Variants in EPHA5 observed in about 807,000 individuals in gnomAD.
EPHA5 encodes EPH receptor A5.
Under a neutral mutation model 105.0 loss-of-function variants are expected in EPHA5, and 60 were observed. That is an observed-to-expected ratio of 0.57 (90% confidence interval 0.46 to 0.71). The LOEUF is 0.71. Among genes scored for constraint, EPHA5 ranks in the 30% least tolerant of loss-of-function variants. EPHA5 has a pLI of 0.00. For missense variants in EPHA5, 1,218 were observed against 1,274.7 expected (o/e 0.96, Z 0.68); for synonymous variants, 513 against 449.1 (o/e 1.14, Z -1.80).
chr4:65,493,850 G>T (rs886609484), intron 4 of EPHA5, among the ~76,000 whole-genome samples: 1 of 151,560 alleles, frequency 6.6e-6, no homozygotes, highest in African/African-American at 2.4e-5. Flanking sequence ...GAAAGATAAT[G>T]GGTAGACCAC....
At chr4:65,596,260 TC>T (rs1743172869) in intron 3 of EPHA5, among the ~76,000 whole-genome samples, 2 of 152,068 alleles carry the variant, frequency 1.3e-5, no homozygotes, top group African/African-American at 4.8e-5. Context: ...GGAGTGATTT[TC>T]CCCCAGTGAA....
intron 4 of EPHA5, among the ~76,000 whole-genome samples, chr4:65,493,062 T>G (rs1731574597): frequency 6.6e-6 from 1 of 151,844 alleles, no homozygotes; most frequent in Non-Finnish European, 1.5e-5. Flanking sequence ...TAAGAATGCA[T>G]CAGCAGCTGA....
intron 2 of EPHA5, among the ~76,000 whole-genome samples, chr4:65,603,821 C>G (rs1005712225): frequency 2.0e-5 from 3 of 152,046 alleles, no homozygotes; most frequent in African/African-American, 7.2e-5. Flanking sequence ...CTCTACTTAG[C>G]TCCCTATTTT....
intron 3 of EPHA5, among the ~76,000 whole-genome samples, chr4:65,571,755 A>G (rs917726372): frequency 7.9e-5 from 12 of 151,892 alleles, no homozygotes; most frequent in African/African-American, 2.9e-4. Flanking sequence ...TTTTATTTAG[A>G]CTTCTGTTTT....
At chr4:65,576,093 G>GAAAAGAAAAGAAAAGAA (rs1740983063) in intron 3 of EPHA5, among the ~76,000 whole-genome samples, 1 of 76,976 alleles carries the variant, frequency 1.3e-5, no homozygotes, top group South Asian at 4.8e-4. Flanking sequence ...GAAAAGAAAA[G>GAAAAGAAAAGAAAAGAA]AAAAGAAAAG....
chr4:65,554,678 T>C (rs1348053991), intron 3 of EPHA5, among the ~76,000 whole-genome samples: 1 of 151,924 alleles, frequency 6.6e-6, no homozygotes, highest in Non-Finnish European at 1.5e-5. Context: ...GGCCAATGAA[T>C]GTCTCCATCA....
At chr4:65,421,706 T>A (rs1367604351) in intron 5 of EPHA5, among the ~76,000 whole-genome samples, 1 of 152,156 alleles carries the variant, frequency 6.6e-6, no homozygotes, top group Non-Finnish European at 1.5e-5. Context: ...TTGCTATTCA[T>A]AAATTATATT....
intron 7 of EPHA5, among the ~76,000 whole-genome samples, chr4:65,413,479 T>A (rs1286260315): frequency 6.6e-6 from 1 of 152,074 alleles, no homozygotes; most frequent in African/African-American, 2.4e-5. Context: ...AATTCATAAC[T>A]GAATTATCAT....
At chr4:65,634,733 C>T (rs1746962174) in intron 2 of EPHA5, among the ~76,000 whole-genome samples, 1 of 151,752 alleles carries the variant, frequency 6.6e-6, no homozygotes, top group Non-Finnish European at 1.5e-5. Context: ...TTTCTATATC[C>T]ACTAATGTGC....
At chr4:65,584,646 A>T (rs1243178376) in intron 3 of EPHA5, among the ~76,000 whole-genome samples, 6 of 151,976 alleles carry the variant, frequency 3.9e-5, no homozygotes, top group Non-Finnish European at 8.8e-5. Context: ...ATTTTAAATG[A>T]CAATGTTACT....
chr4:65,585,543 T>C (rs1408663342), intron 3 of EPHA5, among the ~76,000 whole-genome samples: 1 of 151,854 alleles, frequency 6.6e-6, no homozygotes, highest in African/African-American at 2.4e-5. Flanking sequence ...GTTAACTTTA[T>C]TAGTAGAAAA....
chr4:65,490,678 A>G lies in EPHA5; in HGVS notation c.1101T>C (p.Asn367=), dbSNP rs2149214419. 6.2e-7 allele frequency: 1 copy of G among 1,614,020 alleles called. No individual in the cohort carries two copies. Among genetic ancestry groups the G allele is most frequent in the Non-Finnish European group, 8.5e-7 (1 of 1,179,906 alleles). ...PPSAPRNAIS[N]VNETSVFLEW... Reference sequence around the variant, plus strand: ...CCAGAAAGACACTAGTTTCATTAACATTTGAGATGGCATTCCGAGGAGCAG... The same window carrying G: ...CCAGAAAGACACTAGTTTCATTAACGTTTGAGATGGCATTCCGAGGAGCAG... The change falls in exon 5 of 17, where the codon AAT becomes AAC. Residue 367 remains asparagine, a synonymous_variant. Coordinates refer to ENST00000613740, the MANE Select transcript of EPHA5 (RefSeq NM_001281766.3).
chr4:65,378,762 CTT>C lies in EPHA5; in HGVS notation c.1794-11340_1794-11339del, dbSNP rs573916271. 3.5e-3 allele frequency among the ~76,000 whole-genome samples: 530 copies of C among 150,646 alleles called. 3 individuals are homozygous for C. The highest frequency in any genetic ancestry group is 0.027 in the Middle Eastern group (8 of 292). On this transcript the variant is annotated intron_variant, in intron 8 of 16. Coordinates refer to ENST00000613740, the MANE Select transcript of EPHA5 (RefSeq NM_001281766.3). ...GTTTTCTGAGATGAGAATGACTGCT[CTT>C]GTTTGCTTGTTTTCTTTCTTTCTTT...
At chr4:65,646,997 C>T (rs993860625) in intron 1 of EPHA5, among the ~76,000 whole-genome samples, 2 of 151,800 alleles carry the variant, frequency 1.3e-5, no homozygotes, top group African/African-American at 2.4e-5. Context: ...CTCCATTTTC[C>T]CTACTAGTAA....
intron 5 of EPHA5, among the ~76,000 whole-genome samples, chr4:65,433,088 G>A (rs1280714567): frequency 6.6e-6 from 1 of 152,070 alleles, no homozygotes; most frequent in East Asian, 1.9e-4. Context: ...TTACATACAG[G>A]TTATTAAGTA....
chr4:65,462,039 G>A (rs1728176616), intron 5 of EPHA5, among the ~76,000 whole-genome samples: 1 of 152,068 alleles, frequency 6.6e-6, no homozygotes, highest in African/African-American at 2.4e-5. Flanking sequence ...CAGATTGATA[G>A]GCAGATAGAT....
At chr4:65,354,034 T>C in intron 11 of EPHA5, among the ~76,000 whole-genome samples, 1 of 151,754 alleles carries the variant, frequency 6.6e-6, no homozygotes, top group East Asian at 1.9e-4. Flanking sequence ...CAATCACTTA[T>C]TATTATGGAT....
intron 5 of EPHA5, among the ~76,000 whole-genome samples, chr4:65,456,454 A>G (rs754186183): frequency 1.1e-4 from 17 of 152,138 alleles, no homozygotes; most frequent in Non-Finnish European, 2.1e-4. Context: ...AAGAAGAAAA[A>G]CTATGCACTT....
chr4:65,426,522 G>T (rs1233778581), intron 5 of EPHA5, among the ~76,000 whole-genome samples: 1 of 152,062 alleles, frequency 6.6e-6, no homozygotes, highest in Non-Finnish European at 1.5e-5. Flanking sequence ...CAGGAATATA[G>T]CTTCCATGAT....
Sources: gnomAD v4.1 joint callset for allele counts (sites outside exome capture counted in the v4.1 genomes callset) on GRCh38, gnomAD v4.1.1 for gene constraint, MANE v1.5 for transcripts, NCBI Gene and HGNC (gene_info 2026-07-23, HGNC 2026-07-21) for gene names.